The following L3MBTL4 variants were observed in gnomAD, a reference collection of about 807,000 sequenced individuals.
L3MBTL4 encodes the protein L3MBTL histone methyl-lysine binding protein 4.
A neutral mutation model predicts 84.5 loss-of-function variants in L3MBTL4; 70 were observed. The ratio of observed to expected loss-of-function variants is 0.83; its 90% confidence interval spans 0.68 to 1.01. The LOEUF (loss-of-function observed/expected upper bound fraction) is 1.01, where lower values mean the gene tolerates loss of function less well. Ranked by LOEUF, L3MBTL4 falls within the 50% of genes least tolerant of loss-of-function variation. The pLI, the probability that L3MBTL4 is intolerant of heterozygous loss-of-function variation, is 0.00. For missense variants in L3MBTL4, 715 were observed against 754.8 expected, an observed-to-expected ratio of 0.95 and a Z score of 0.62; for synonymous variants, 274 against 259.8, an observed-to-expected ratio of 1.05 and a Z score of -0.52.
chr18:6,255,974 T>A (rs917303567), intron 5 of L3MBTL4, among the ~76,000 whole-genome samples: 1 of 152,230 alleles, frequency 6.6e-6, no homozygotes, highest in Non-Finnish European at 1.5e-5. Flanking sequence ...CTAAGAAGCA[T>A]CTATATTAAA....
intron 12 of L3MBTL4, among the ~76,000 whole-genome samples, chr18:6,202,172 G>A (rs567481497): frequency 2.9e-4 from 44 of 152,260 alleles, no homozygotes; most frequent in Non-Finnish European, 4.1e-4. Context: ...TCTTCTGTCC[G>A]TAAATCATCT....
At chr18:6,398,879 C>T (rs1245934214) in intron 1 of L3MBTL4, among the ~76,000 whole-genome samples, 2 of 152,104 alleles carry the variant, frequency 1.3e-5, no homozygotes, top group African/African-American at 4.8e-5. Flanking sequence ...GCCACTTTAC[C>T]TACTCAGGGG....
At chr18:6,240,362 A>G (rs1330967210) in intron 8 of L3MBTL4, among the ~76,000 whole-genome samples, 1 of 151,110 alleles carries the variant, frequency 6.6e-6, no homozygotes, top group African/African-American at 2.4e-5. Context: ...TTTAAGAAAT[A>G]CATGCTTAAA....
At chr18:6,221,242 C>T (rs901490359) in intron 10 of L3MBTL4, among the ~76,000 whole-genome samples, 1 of 152,108 alleles carries the variant, frequency 6.6e-6, no homozygotes, top group Non-Finnish European at 1.5e-5. Flanking sequence ...CCCTTAGGAA[C>T]TAGAGAAGCA....
At chr18:6,286,331 G>T (rs1384706194) in intron 4 of L3MBTL4, among the ~76,000 whole-genome samples, 1 of 151,680 alleles carries the variant, frequency 6.6e-6, no homozygotes, top group Non-Finnish European at 1.5e-5. Context: ...GGGCATGGTG[G>T]CATGCACCTG....
chr18:6,046,620 C>T (rs2056630599), intron 16 of L3MBTL4: 1 of 618,186 alleles, frequency 1.6e-6, no homozygotes, highest in Non-Finnish European at 2.9e-6. Flanking sequence ...CCACACATTA[C>T]ATGGAAATTA....
At chr18:5,965,216 C>G (rs751978643) in intron 17 of L3MBTL4, among the ~76,000 whole-genome samples, 1 of 152,180 alleles carries the variant, frequency 6.6e-6, no homozygotes, top group Non-Finnish European at 1.5e-5. Flanking sequence ...AAAAACACTG[C>G]TCTAAGAGAG....
At chr18:6,381,275 C>G (rs2054584872) in intron 1 of L3MBTL4, among the ~76,000 whole-genome samples, 1 of 152,114 alleles carries the variant, frequency 6.6e-6, no homozygotes, top group Non-Finnish European at 1.5e-5. Context: ...TGGGTCTTGA[C>G]TCTTTATCCA....
intron 1 of L3MBTL4, among the ~76,000 whole-genome samples, chr18:6,323,627 C>T (rs944893132): frequency 1.3e-5 from 2 of 152,156 alleles, no homozygotes; most frequent in Non-Finnish European, 2.9e-5. Context: ...AGGAGCAAAG[C>T]CTTCAAGAGG....
At chr18:6,351,329 G>A (rs921929493) in intron 1 of L3MBTL4, among the ~76,000 whole-genome samples, 3 of 151,918 alleles carry the variant, frequency 2.0e-5, no homozygotes, top group South Asian at 4.1e-4. Context: ...TCATAAAGAC[G>A]GAAAGTAGAA....
At chr18:6,397,754 G>A (rs1339276450) in intron 1 of L3MBTL4, 5 of 152,256 alleles carry the variant, frequency 3.3e-5, no homozygotes, top group African/African-American at 1.2e-4. Context: ...TACTTGAGAG[G>A]CTGAGATGGG....
At chr18:6,312,987 C>G (rs1477194821) in intron 1 of L3MBTL4, among the ~76,000 whole-genome samples, 1 of 152,136 alleles carries the variant, frequency 6.6e-6, no homozygotes, top group African/African-American at 2.4e-5. Context: ...CCTTTCTGAC[C>G]CCACTAAAAG....
In L3MBTL4 at chr18:6,340,537, A is replaced by T. The variant is rs187861513; in HGVS notation, c.-90-28481T>A. Among the ~76,000 whole-genome samples the T allele has an allele frequency of 1.4e-4, 21 of 152,198 alleles. No homozygotes were observed. In the East Asian group the frequency reaches 2.9e-3, roughly 21 times the overall value. On this transcript the variant is annotated intron_variant, in intron 1 of 18. Coordinates refer to ENST00000317931, the MANE Select transcript of L3MBTL4 (RefSeq NM_001330559.2). ...CTTGCTAACCAAGAATATTGAGGGGATGAGTACAATAGCATCATCTGGGGA... is the reference window on the plus strand; with the variant it reads ...CTTGCTAACCAAGAATATTGAGGGGTTGAGTACAATAGCATCATCTGGGGA...
intron 14 of L3MBTL4, among the ~76,000 whole-genome samples, chr18:6,111,376 T>C (rs2059191034): frequency 6.6e-6 from 1 of 152,208 alleles, no homozygotes; most frequent in Admixed American, 6.5e-5. Flanking sequence ...GTTATTTTAA[T>C]AAAAGTGACT....
intron 14 of L3MBTL4, among the ~76,000 whole-genome samples, chr18:6,114,364 T>C (rs564324846): frequency 7.5e-4 from 114 of 152,334 alleles, no homozygotes; most frequent in African/African-American, 2.6e-3. Context: ...CCACTTGAAA[T>C]TTATCTCTCC....
At chr18:6,234,584 C>T (rs2047137095) in intron 10 of L3MBTL4, among the ~76,000 whole-genome samples, 1 of 152,158 alleles carries the variant, frequency 6.6e-6, no homozygotes, top group African/African-American at 2.4e-5. Context: ...CATCACTGAC[C>T]ATCAGAGAAA....
chr18:5,977,275 G>T (rs1471122436), intron 16 of L3MBTL4, among the ~76,000 whole-genome samples: 1 of 152,228 alleles, frequency 6.6e-6, no homozygotes, highest in Non-Finnish European at 1.5e-5. Flanking sequence ...CTCCAGGCAG[G>T]CCTCCGTCTC....
rs1347318871 is a variant in L3MBTL4, at chr18:5,976,902, T to TGTG, written c.1445-7341_1445-7340insCAC. ...CAAATCACTCAATGCTAAAGGAGTG[T>TGTG]GCGGCAACCCAGCTGCTGTTTCCTT... On this transcript the variant is annotated intron_variant, in intron 16 of 18. Coordinates refer to ENST00000317931, the MANE Select transcript of L3MBTL4 (RefSeq NM_001330559.2). Among the ~76,000 whole-genome samples, 4 of 152,260 alleles carry TGTG rather than the reference T, an allele frequency of 2.6e-5. No individual in the cohort carries two copies. In the East Asian group the frequency reaches 7.7e-4, roughly 29 times the overall value.
intron 10 of L3MBTL4, among the ~76,000 whole-genome samples, chr18:6,230,943 CT>C (rs1434839846): frequency 1.3e-5 from 2 of 151,794 alleles, no homozygotes; most frequent in Non-Finnish European, 2.9e-5. Flanking sequence ...TTGTTTTTTG[CT>C]TGTTAGTTTA....
Sources: gnomAD v4.1 joint callset for allele counts (sites outside exome capture counted in the v4.1 genomes callset) on GRCh38, gnomAD v4.1.1 for gene constraint, MANE v1.5 for transcripts, NCBI Gene and HGNC (gene_info 2026-07-23, HGNC 2026-07-21) for gene names.